Variants in ANK1 observed in about 807,000 individuals in gnomAD.
ANK1 encodes the protein ankyrin 1.
Under a neutral mutation model 210.4 loss-of-function variants are expected in ANK1, and 51 were observed. The ratio of observed to expected loss-of-function variants is 0.24; its 90% CI spans 0.19 to 0.31. The LOEUF is 0.31. Among genes scored for constraint, ANK1 ranks in the 10% least tolerant of loss-of-function variants. The pLI is 1.00. For missense variants in ANK1, 2,051 were observed against 2,504.4 expected (o/e 0.82, Z 3.86); for synonymous variants, 967 against 1,025.9 (o/e 0.94, Z 1.10).
chr8:41,787,876 G>A (rs1846752642), intron 1 of ANK1, among the ~76,000 whole-genome samples: 1 of 151,968 alleles, frequency 6.6e-6, no homozygotes, highest in Non-Finnish European at 1.5e-5. Context: ...GGAGGAGGAG[G>A]AGGAGAAAGA....
At chr8:41,737,756 G>A (rs761500357) in intron 2 of ANK1, among the ~76,000 whole-genome samples, 75 of 152,328 alleles carry the variant, frequency 4.9e-4, no homozygotes, top group Middle Eastern at 3.4e-3. Flanking sequence ...AAACCCCACT[G>A]GGCACAGTTA....
chr8:41,655,792 A>C (rs890399988), intron 42 of ANK1, 39 bp from the exon 43 acceptor site: 1 of 1,608,478 alleles, frequency 6.2e-7, no homozygotes, highest in Middle Eastern at 1.7e-4. Context: ...CTTAGAATGC[A>C]AAAGTGCAAC....
At chr8:41,754,119 A>G (rs955194709) in intron 2 of ANK1, among the ~76,000 whole-genome samples, 2 of 152,244 alleles carry the variant, frequency 1.3e-5, no homozygotes, top group Admixed American at 1.3e-4. Context: ...TCTCACTGCC[A>G]ATAGACTACA....
At position 41,840,815 on chromosome 8, in the gene ANK1, C is replaced by T. The variant is rs369305264; in HGVS notation, c.126+55540G>A. 6.6e-5 allele frequency among the ~76,000 whole-genome samples: 10 copies of T among 152,330 alleles called. No individual in the cohort carries two copies. In the South Asian group the frequency reaches 1.2e-3, roughly 19 times the overall value. ...ACTGAATTCCATAAGAGTATATCAA[C>T]GCCAAGAAAAGAGTGGCCCGCTTGA... On this transcript the variant is annotated intron_variant, in intron 1 of 42. Coordinates refer to the ANK1 transcript ENST00000265709.
chr8:41,818,836 T>A (rs1803736755), intron 1 of ANK1, among the ~76,000 whole-genome samples: 1 of 152,094 alleles, frequency 6.6e-6, no homozygotes, highest in Non-Finnish European at 1.5e-5. Context: ...AAAAGAACAG[T>A]CCACAGGCAC....
chr8:41,872,781 C>T (rs1194134929), intron 1 of ANK1, among the ~76,000 whole-genome samples: 1 of 152,180 alleles, frequency 6.6e-6, no homozygotes, highest in African/African-American at 2.4e-5. Context: ...CAGGTCTCTC[C>T]CTGGAGTGAC....
intron 1 of ANK1, among the ~76,000 whole-genome samples, chr8:41,802,709 C>T (rs754165803): frequency 4.0e-5 from 6 of 151,796 alleles, no homozygotes; most frequent in Admixed American, 6.6e-5. Flanking sequence ...TCTGGGAGGC[C>T]GATCACTCGG....
chr8:41,848,401 G>C (rs1046587493), intron 1 of ANK1, among the ~76,000 whole-genome samples: 2 of 152,200 alleles, frequency 1.3e-5, no homozygotes, highest in African/African-American at 4.8e-5. Context: ...CCTCACAGGG[G>C]AAGTGGGAAG....
At chr8:41,831,652 AAAAGAAG>A (rs775398413) in intron 1 of ANK1, among the ~76,000 whole-genome samples, 12 of 129,182 alleles carry the variant, frequency 9.3e-5, no homozygotes, top group African/African-American at 2.5e-4. Flanking sequence ...AAAAAAAAAA[AAAAGAAG>A]AAGAAAAAGA....
At chr8:41,791,160 C>T (rs1847589508) in intron 1 of ANK1, among the ~76,000 whole-genome samples, 1 of 150,648 alleles carries the variant, frequency 6.6e-6, no homozygotes, top group Non-Finnish European at 1.5e-5. Context: ...GGACCTGTGC[C>T]AGCCTCTTTT....
rs74666598 is a variant in ANK1 at position 41,775,164 on chromosome 8, C to T, written c.28-17027G>A. Reference sequence around the variant, plus strand: ...AGGCGTTGGACAGCCCTGCATGGCACGCTCTTCCTCAGCAATGAAGAAAGA... The same window carrying T: ...AGGCGTTGGACAGCCCTGCATGGCATGCTCTTCCTCAGCAATGAAGAAAGA... On this transcript the variant is annotated intron_variant, in intron 1 of 42. Transcript: ENST00000289734. Among the ~76,000 whole-genome samples, 162 of 152,312 alleles carry T rather than the reference C, an allele frequency of 1.1e-3. 1 individual carries two copies. The East Asian group carries it at 0.027, about 25-fold the overall frequency.
At chr8:41,697,755 T>G (rs747149727) in intron 24 of ANK1, 9 of 497,744 alleles carry the variant, frequency 1.8e-5, no homozygotes, top group Non-Finnish European at 3.0e-5. Flanking sequence ...GACAGTGGGC[T>G]GGTCAAGGAC....
intron 1 of ANK1, 28 bp from the exon 2 acceptor site, chr8:41,758,165 T>C (rs1563684417): frequency 5.6e-6 from 9 of 1,597,684 alleles, no homozygotes; most frequent in Non-Finnish European, 7.7e-6. Flanking sequence ...AGGCGGTGAG[T>C]GTCCTGGGTG....
At chr8:41,853,990 C>A (rs1159614416) in intron 1 of ANK1, among the ~76,000 whole-genome samples, 1 of 152,214 alleles carries the variant, frequency 6.6e-6, no homozygotes. Context: ...TAATATACAA[C>A]ATGACCATTT....
chr8:41,725,000 C>A (rs988081586), intron 6 of ANK1, among the ~76,000 whole-genome samples: 1 of 152,220 alleles, frequency 6.6e-6, no homozygotes, highest in Non-Finnish European at 1.5e-5. Context: ...GCTGGGACTA[C>A]AGGCGAACAC....
chr8:41,821,112 G>A (rs899700176), intron 1 of ANK1, among the ~76,000 whole-genome samples: 2 of 152,070 alleles, frequency 1.3e-5, no homozygotes, highest in Middle Eastern at 3.2e-3. Flanking sequence ...TAACCAACTC[G>A]AAATATGCTA....
chr8:41,699,601 CT>C, intron 22 of ANK1, 53 bp from the exon 23 acceptor site: 1 of 1,563,198 alleles, frequency 6.4e-7, no homozygotes. Context: ...AAGAGTCCCT[CT>C]TTTTTTAAAA....
intron 1 of ANK1, among the ~76,000 whole-genome samples, chr8:41,780,539 C>T (rs1037905520): frequency 1.3e-5 from 2 of 151,606 alleles, no homozygotes; most frequent in African/African-American, 2.4e-5. Flanking sequence ...GGACGCTTCT[C>T]CCTCAGTAGA....
intron 1 of ANK1, among the ~76,000 whole-genome samples, chr8:41,858,361 A>AG (rs1333268278): frequency 4.5e-4 from 68 of 151,830 alleles, no homozygotes; most frequent in African/African-American, 1.5e-3. Context: ...AAAAAAAAAA[A>AG]AAGAAGAAGA....
Sources: allele counts gnomAD v4.1 joint callset (sites outside exome capture counted in the v4.1 genomes callset), GRCh38; gene constraint gnomAD v4.1.1; transcripts MANE v1.5; gene names NCBI Gene and HGNC (gene_info 2026-07-23, HGNC 2026-07-21).